TENM3: variants seen among roughly 807,000 people sequenced by gnomAD.
TENM3 encodes the protein teneurin-3.
TENM3 carries 63 observed loss-of-function variants against 255.1 expected under a neutral mutation model. The ratio of observed to expected loss-of-function variants is 0.25; its 90% CI spans 0.20 to 0.30. The LOEUF is 0.30. TENM3 is among the 10% of genes least tolerant of loss of function. The pLI is 1.00. For missense variants in TENM3, 2,929 were observed against 3,461.1 expected, an observed-to-expected ratio of 0.85 and a Z score of 3.86; for synonymous variants, 1,306 against 1,322.3, an observed-to-expected ratio of 0.99 and a Z score of 0.27.
At chr4:182,643,938 C>G (rs1752527286) in intron 5 of TENM3, among the ~76,000 whole-genome samples, 1 of 152,206 alleles carries the variant, frequency 6.6e-6, no homozygotes. Context: ...TCTTATCAGA[C>G]TCTCTTTCCC....
rs186726733 is a variant in TENM3 at position 182,624,802 on chromosome 4, A to G, written c.750-3849A>G. On this transcript the variant is annotated intron_variant, in intron 4 of 27. Coordinates refer to ENST00000511685, the MANE Select transcript of TENM3 (RefSeq NM_001080477.4). ...AGGATTGAGGCAGAGGAAACACAGA[A>G]AGGGAAAAAAGTCAGGAGGAAAAAA... 1.2e-3 allele frequency among the ~76,000 whole-genome samples: 182 copies of G among 152,340 alleles called. 1 individual carries two copies. Among genetic ancestry groups the G allele is most frequent in the Middle Eastern group, 3.4e-3 (1 of 294 alleles).
the TENM3 span, among the ~76,000 whole-genome samples, chr4:181,927,262 A>AGT: frequency 6.6e-6 from 1 of 152,256 alleles, no homozygotes; most frequent in Non-Finnish European, 1.5e-5. Context: ...CAGCAAGCCA[A>AGT]GATCCACTGG....
the TENM3 span, among the ~76,000 whole-genome samples, chr4:181,598,629 T>C: frequency 1.3e-5 from 2 of 151,994 alleles, no homozygotes; most frequent in Non-Finnish European, 2.9e-5. Context: ...GTAACCATTA[T>C]TCCATGATCA....
At chr4:182,600,391 C>A (rs1747712155) in intron 3 of TENM3, among the ~76,000 whole-genome samples, 1 of 152,054 alleles carries the variant, frequency 6.6e-6, no homozygotes, top group Non-Finnish European at 1.5e-5. Context: ...GCAGATCTGC[C>A]TTATTTGAAA....
intron 1 of TENM3, among the ~76,000 whole-genome samples, chr4:182,252,615 C>T (rs1055222402): frequency 2.6e-5 from 4 of 152,058 alleles, no homozygotes; most frequent in Non-Finnish European, 5.9e-5. Flanking sequence ...ATCACTGTTA[C>T]GTAGAGGCTT....
At chr4:182,676,823 C>T (rs763427243) in intron 7 of TENM3, among the ~76,000 whole-genome samples, 27 of 152,224 alleles carry the variant, frequency 1.8e-4, no homozygotes, top group Admixed American at 8.5e-4. Flanking sequence ...AATATTAAAT[C>T]GTAAGAAAAT....
the TENM3 span, among the ~76,000 whole-genome samples, chr4:181,678,845 A>AC: frequency 1.1e-4 from 16 of 147,740 alleles, no homozygotes; most frequent in East Asian, 1.9e-3. Flanking sequence ...TTTAAACAAA[A>AC]AAAAAAAAAA....
the TENM3 span, among the ~76,000 whole-genome samples, chr4:181,815,479 A>AAAAAAAC: frequency 6.7e-6 from 1 of 148,786 alleles, no homozygotes; most frequent in Non-Finnish European, 1.5e-5. Flanking sequence ...AAAAAAAAAA[A>AAAAAAAC]GGTGTAGAGG....
At chr4:181,565,658 G>C in the TENM3 span, among the ~76,000 whole-genome samples, 1 of 152,048 alleles carries the variant, frequency 6.6e-6, no homozygotes, top group Non-Finnish European at 1.5e-5. Flanking sequence ...GCATGTACTA[G>C]GTGTACACTT....
chr4:181,712,472 G>A, the TENM3 span, among the ~76,000 whole-genome samples: 1 of 152,040 alleles, frequency 6.6e-6, no homozygotes, highest in African/African-American at 2.4e-5. Context: ...TTTCCTGAGG[G>A]CTCCCCAGAA....
intron 3 of TENM3, among the ~76,000 whole-genome samples, chr4:182,538,120 A>G (rs1189688309): frequency 6.6e-6 from 1 of 152,106 alleles, no homozygotes; most frequent in African/African-American, 2.4e-5. Context: ...AGTGTTTTTT[A>G]TGTTCACGTT....
At chr4:182,289,291 T>C (rs142693592) in intron 1 of TENM3, among the ~76,000 whole-genome samples, 3 of 152,368 alleles carry the variant, frequency 2.0e-5, no homozygotes, top group African/African-American at 7.2e-5. Context: ...TGATGTGTAA[T>C]GAAACATTTG....
intron 1 of TENM3, among the ~76,000 whole-genome samples, chr4:182,228,380 G>GTATATATATA (rs1756333070): frequency 1.6e-4 from 15 of 94,106 alleles, no homozygotes; most frequent in Admixed American, 4.4e-4. Flanking sequence ...GTGTGTGTGT[G>GTATATATATA]TGTGTGTGTG....
At chr4:182,161,828 C>T (rs1299998507) in intron 1 of TENM3, among the ~76,000 whole-genome samples, 1 of 12,952 alleles carries the variant, frequency 7.7e-5, no homozygotes, top group African/African-American at 3.6e-4. Context: ...TATATATACA[C>T]ATATATATGT....
chr4:181,781,271 ATTTG>A, the TENM3 span, among the ~76,000 whole-genome samples: 1 of 152,282 alleles, frequency 6.6e-6, no homozygotes, highest in African/African-American at 2.4e-5. Context: ...ATGTTCTTCC[ATTTG>A]TTTGTGTCCT....
intron 1 of TENM3, among the ~76,000 whole-genome samples, chr4:182,154,592 A>G (rs1035448782): frequency 5.3e-5 from 8 of 152,272 alleles, no homozygotes; most frequent in South Asian, 2.1e-4. Context: ...ATGCTTTTCC[A>G]TTTATGCCAG....
At chr4:181,665,853 G>C in the TENM3 span, among the ~76,000 whole-genome samples, 5 of 151,568 alleles carry the variant, frequency 3.3e-5, no homozygotes, top group African/African-American at 9.7e-5. Context: ...ATTAAATTTC[G>C]TATATATCTA....
chr4:182,062,832 G>A, the TENM3 span, among the ~76,000 whole-genome samples: 5 of 152,180 alleles, frequency 3.3e-5, no homozygotes, highest in African/African-American at 1.2e-4. Flanking sequence ...AAGGAAATTT[G>A]ATTGTTAAAC....
At chr4:182,004,402 C>G in the TENM3 span, among the ~76,000 whole-genome samples, 2 of 152,100 alleles carry the variant, frequency 1.3e-5, no homozygotes, top group African/African-American at 4.8e-5. Flanking sequence ...TGATCTCATT[C>G]CTTTTCATGG....
Sources: allele counts gnomAD v4.1 joint callset (sites outside exome capture counted in the v4.1 genomes callset), GRCh38; gene constraint gnomAD v4.1.1; transcripts MANE v1.5; gene names NCBI Gene and HGNC (gene_info 2026-07-23, HGNC 2026-07-21).